PXDNL: variants seen among roughly 807,000 people sequenced by gnomAD.
PXDNL encodes peroxidasin like, also known as probable oxidoreductase PXDNL.
Under a neutral mutation model 150.8 loss-of-function variants are expected in PXDNL, and 145 were observed. The ratio of observed to expected loss-of-function variants is 0.96; its 90% CI spans 0.84 to 1.10. The LOEUF (loss-of-function observed/expected upper bound fraction) is 1.10. Ranked by LOEUF, PXDNL falls within the 50% of genes least tolerant of loss-of-function variation. PXDNL has a pLI of 0.00. For synonymous variants in PXDNL, 757 were observed against 725.7 expected (o/e 1.04, Z -0.69); for missense variants, 2,087 against 1,873.9 (o/e 1.11, Z -2.10).
Position 51,453,597 on chromosome 8 carries a change from G to C in PXDNL, c.1171C>G (p.Arg391Gly). Residue 391 changes from arginine (R) to glycine (G), a missense_variant, in exon 10 of 23, where the codon CGG becomes GGG. By Grantham distance (125) the Arg-to-Gly change is moderately radical. Transcript: ENST00000356297. ...SGLYLQNITQ[R>G]DHGRFTCHAN... ...TGACAGGTAAATCGACCATGATCCCGTTGTGTGATGTTCTGTAAGTAAAGT... is the reference window on the plus strand; with the variant it reads ...TGACAGGTAAATCGACCATGATCCCCTTGTGTGATGTTCTGTAAGTAAAGT... 6.2e-7 allele frequency: 1 copy of C among 1,613,990 alleles called. No homozygotes were observed. The highest frequency in any genetic ancestry group is 2.2e-5 in the East Asian group (1 of 44,882).
chr8:51,661,788 G>A (rs1815275453), intron 1 of PXDNL, among the ~76,000 whole-genome samples: 1 of 152,148 alleles, frequency 6.6e-6, no homozygotes, highest in African/African-American at 2.4e-5. Flanking sequence ...TTCCCTGTGG[G>A]AAACTTGTCT....
chr8:51,548,104 A>G (rs1812402185), intron 4 of PXDNL, among the ~76,000 whole-genome samples: 1 of 151,646 alleles, frequency 6.6e-6, no homozygotes, highest in South Asian at 2.1e-4. Context: ...CAAAAAAAAA[A>G]AAAAAGAAGG....
intron 17 of PXDNL, among the ~76,000 whole-genome samples, chr8:51,379,522 T>TG (rs1380417687): frequency 1.3e-5 from 2 of 152,128 alleles, no homozygotes; most frequent in Non-Finnish European, 2.9e-5. Context: ...CTTTTTTAAT[T>TG]GGGTTTTTTT....
intron 1 of PXDNL, among the ~76,000 whole-genome samples, chr8:51,800,606 G>A (rs746869435): frequency 9.9e-5 from 15 of 152,158 alleles, no homozygotes; most frequent in East Asian, 1.9e-4. Flanking sequence ...CTGGAGCCAC[G>A]GCAGAGGAAC....
intron 18 of PXDNL, among the ~76,000 whole-genome samples, chr8:51,373,673 T>A (rs1231328502): frequency 1.3e-5 from 2 of 152,220 alleles, no homozygotes; most frequent in Non-Finnish European, 2.9e-5. Flanking sequence ...AGAATAATTT[T>A]TATTGTAACT....
intron 3 of PXDNL, among the ~76,000 whole-genome samples, chr8:51,592,199 A>T (rs16916566): frequency 0.026 from 4,015 of 152,328 alleles, 92 homozygotes; most frequent in African/African-American, 0.06. Context: ...CAAGTTTATT[A>T]AAGTTCCTAA....
intron 2 of PXDNL, among the ~76,000 whole-genome samples, chr8:51,644,870 A>G (rs1317880247): frequency 6.6e-6 from 1 of 151,958 alleles, no homozygotes; most frequent in Non-Finnish European, 1.5e-5. Context: ...AGACGGCCAC[A>G]TAGGTTATGG....
chr8:51,746,258 G>A (rs1444375404), intron 1 of PXDNL, among the ~76,000 whole-genome samples: 2 of 152,276 alleles, frequency 1.3e-5, no homozygotes, highest in South Asian at 4.1e-4. Context: ...TGAGGAATCA[G>A]GTGTCAGTCT....
At chr8:51,636,923 C>A (rs1287440497) in intron 2 of PXDNL, among the ~76,000 whole-genome samples, 1 of 127,858 alleles carries the variant, frequency 7.8e-6, no homozygotes, top group African/African-American at 4.0e-5. Flanking sequence ...CCAGAGTAGC[C>A]TAACTGGGAG....
intron 4 of PXDNL, among the ~76,000 whole-genome samples, chr8:51,545,510 T>C (rs768532863): frequency 1.6e-4 from 24 of 152,182 alleles, no homozygotes; most frequent in Non-Finnish European, 3.1e-4. Context: ...TAATTTATAA[T>C]GAATAGAAAC....
chr8:51,394,798 A>T (rs1419731859), intron 17 of PXDNL, among the ~76,000 whole-genome samples: 1 of 152,194 alleles, frequency 6.6e-6, no homozygotes, highest in Non-Finnish European at 1.5e-5. Flanking sequence ...CCTGGGGTAC[A>T]TAGCGCTGGT....
chr8:51,659,235 A>G (rs563643340), intron 1 of PXDNL, among the ~76,000 whole-genome samples: 97 of 152,232 alleles, frequency 6.4e-4, no homozygotes, highest in Non-Finnish European at 1.2e-3. Flanking sequence ...CATCCCATTC[A>G]TTGTTCTTTG....
rs768717307 is a variant in PXDNL, at chr8:51,499,787, C to T, written c.381-17G>A. ...TGAATATACCTGGAAGGCAAAAAAT[C>T]AAGTTGGTTACTCCTTGTGCTGGTG... On this transcript the variant is annotated splice_polypyrimidine_tract_variant and intron_variant, in intron 4 of 22. Transcript: ENST00000356297. 1.2e-5 allele frequency: 19 copies of T among 1,570,488 alleles called. No individual in the cohort carries two copies. In the South Asian group the frequency reaches 2.1e-4, roughly 17 times the overall value.
At chr8:51,612,677 A>G (rs996313190) in intron 2 of PXDNL, among the ~76,000 whole-genome samples, 1 of 152,182 alleles carries the variant, frequency 6.6e-6, no homozygotes, top group Non-Finnish European at 1.5e-5. Context: ...TCCCTCCCCA[A>G]TTCCACCATG....
At chr8:51,394,104 T>C (rs564733262) in intron 17 of PXDNL, among the ~76,000 whole-genome samples, 1 of 152,328 alleles carries the variant, frequency 6.6e-6, no homozygotes, top group Non-Finnish European at 1.5e-5. Context: ...AAAGTGTTAA[T>C]GAAAAGTGTG....
intron 1 of PXDNL, among the ~76,000 whole-genome samples, chr8:51,773,287 G>T (rs568126469): frequency 4.6e-4 from 70 of 152,184 alleles, no homozygotes; most frequent in African/African-American, 1.6e-3. Flanking sequence ...CATATTCAAG[G>T]TCAGTGCTAG....
intron 3 of PXDNL, among the ~76,000 whole-genome samples, chr8:51,583,296 C>T (rs1358221864): frequency 6.6e-6 from 1 of 152,008 alleles, no homozygotes; most frequent in Admixed American, 6.6e-5. Context: ...AGGAAGCTGA[C>T]CATCGTGGTG....
At chr8:51,554,276 G>C (rs2130534432) in intron 4 of PXDNL, among the ~76,000 whole-genome samples, 1 of 152,276 alleles carries the variant, frequency 6.6e-6, no homozygotes, top group South Asian at 2.1e-4. Flanking sequence ...AGGTGGTGCA[G>C]GGTAGTGAAT....
At chr8:51,542,958 C>A (rs1359065874) in intron 4 of PXDNL, among the ~76,000 whole-genome samples, 1 of 152,096 alleles carries the variant, frequency 6.6e-6, no homozygotes, top group Non-Finnish European at 1.5e-5. Context: ...AAAGTTAGCT[C>A]TGTCAGAAAG....
Sources: gnomAD v4.1 joint callset for allele counts (sites outside exome capture counted in the v4.1 genomes callset) on GRCh38, gnomAD v4.1.1 for gene constraint, MANE v1.5 for transcripts, NCBI Gene and HGNC (gene_info 2026-07-23, HGNC 2026-07-21) for gene names.